Variants in PCDH15 observed in about 807,000 individuals in gnomAD.
The protein encoded by PCDH15 is protocadherin-15.
A neutral mutation model predicts 178.5 loss-of-function variants in PCDH15; 129 were observed. The ratio of observed to expected loss-of-function variants is 0.72; its 90% CI spans 0.63 to 0.84. The LOEUF is 0.84. PCDH15 is among the 40% of genes least tolerant of loss of function. PCDH15 has a pLI of 0.00. For missense variants in PCDH15, 2,230 were observed against 2,099.9 expected (o/e 1.06, Z -1.21); for synonymous variants, 800 against 732.0 (o/e 1.09, Z -1.50).
chr10:55,064,512 AG>A (rs1456678787), intron 2 of PCDH15, among the ~76,000 whole-genome samples: 1 of 152,132 alleles, frequency 6.6e-6, no homozygotes, highest in Non-Finnish European at 1.5e-5. Flanking sequence ...TTATATGCTG[AG>A]AAAAAAATTG....
intron 1 of PCDH15, among the ~76,000 whole-genome samples, chr10:55,303,929 T>G (rs1033816174): frequency 6.6e-5 from 10 of 152,176 alleles, no homozygotes; most frequent in Non-Finnish European, 1.5e-4. Context: ...TTCTGTTGCA[T>G]AGCATTAATT....
At chr10:55,209,384 C>A (rs371423638) in intron 1 of PCDH15, among the ~76,000 whole-genome samples, 1 of 152,204 alleles carries the variant, frequency 6.6e-6, no homozygotes, top group African/African-American at 2.4e-5. Context: ...ATCACTCTAA[C>A]ATATTTGTGA....
At chr10:54,377,971 T>G (rs1357580665) in intron 4 of PCDH15, among the ~76,000 whole-genome samples, 1 of 151,936 alleles carries the variant, frequency 6.6e-6, no homozygotes, top group Non-Finnish European at 1.5e-5. Context: ...CTGGCTGGAG[T>G]GCATTGGTGT....
chr10:54,085,671 T>C (rs1394469818), intron 16 of PCDH15, among the ~76,000 whole-genome samples: 1 of 152,190 alleles, frequency 6.6e-6, no homozygotes, highest in Non-Finnish European at 1.5e-5. Context: ...TTTGTGATTT[T>C]TAAAAAACCA....
chr10:53,926,631 T>G (rs1261387299), intron 25 of PCDH15, among the ~76,000 whole-genome samples: 1 of 152,186 alleles, frequency 6.6e-6, no homozygotes, highest in African/African-American at 2.4e-5. Context: ...AATTTTAAAT[T>G]TATACAACCA....
At chr10:55,616,020 C>T (rs1843465956) in intron 2 of PCDH15, among the ~76,000 whole-genome samples, 1 of 152,164 alleles carries the variant, frequency 6.6e-6, no homozygotes, top group Non-Finnish European at 1.5e-5. Flanking sequence ...AAGCTGGAGT[C>T]ACCACTGACA....
At chr10:53,942,929 T>G (rs774989310) in intron 23 of PCDH15, among the ~76,000 whole-genome samples, 1 of 152,328 alleles carries the variant, frequency 6.6e-6, no homozygotes. Flanking sequence ...CAATGGATTG[T>G]TAATTTATGA....
intron 2 of PCDH15, among the ~76,000 whole-genome samples, chr10:55,013,901 A>G (rs115871243): frequency 6.6e-6 from 1 of 152,128 alleles, no homozygotes; most frequent in South Asian, 2.1e-4. Context: ...CAAACTATTA[A>G]TTATATTCCT....
intron 2 of PCDH15, among the ~76,000 whole-genome samples, chr10:55,486,303 A>T (rs1195978556): frequency 1.3e-5 from 2 of 151,770 alleles, no homozygotes; most frequent in Admixed American, 6.6e-5. Context: ...GTTACTCAAT[A>T]GTGAAAAGAG....
At chr10:55,186,858 T>A (rs547600621) in intron 1 of PCDH15, among the ~76,000 whole-genome samples, 1 of 151,882 alleles carries the variant, frequency 6.6e-6, no homozygotes, top group African/African-American at 2.4e-5. Context: ...CAGTACTTAG[T>A]TGGTAAAATT....
intron 9 of PCDH15, among the ~76,000 whole-genome samples, chr10:54,228,283 C>T (rs7918079): frequency 0.055 from 8,316 of 152,112 alleles, 565 homozygotes; most frequent in African/African-American, 0.17. Context: ...GAGGAGCAAC[C>T]CACATCTTAC....
At chr10:54,490,382 A>G (rs1002970628) in intron 3 of PCDH15, among the ~76,000 whole-genome samples, 2 of 152,010 alleles carry the variant, frequency 1.3e-5, no homozygotes, top group South Asian at 2.1e-4. Flanking sequence ...CCCGGGAGGC[A>G]GAGCTTGCAG....
intron 3 of PCDH15, among the ~76,000 whole-genome samples, chr10:54,502,903 A>G (rs925139427): frequency 2.6e-5 from 4 of 152,020 alleles, no homozygotes; most frequent in Non-Finnish European, 5.9e-5. Flanking sequence ...TACTGTCTCT[A>G]TGTAAAAATT....
intron 2 of PCDH15, among the ~76,000 whole-genome samples, chr10:55,032,821 G>A (rs538311621): frequency 6.6e-6 from 1 of 152,224 alleles, no homozygotes; most frequent in Non-Finnish European, 1.5e-5. Context: ...GGCCTTGGTG[G>A]CAGAACAGTT....
intron 18 of PCDH15, among the ~76,000 whole-genome samples, chr10:54,026,333 G>C (rs912145438): frequency 2.6e-5 from 4 of 152,060 alleles, no homozygotes; most frequent in African/African-American, 9.7e-5. Flanking sequence ...GCTTCTCAAA[G>C]TGCTGAGATT....
In PCDH15 at chr10:53,810,060, G is replaced by T. The variant is rs1392831407; in HGVS notation, c.4671+496C>A. On this transcript the variant is annotated intron_variant, in intron 37 of 37. Transcript: ENST00000644397. ...TGTATAAATTTGCCAAGTAAATAGT[G>T]AAGACAAAGTATAAGAATTTTATAG... 2.0e-5 allele frequency among the ~76,000 whole-genome samples: 3 copies of T among 152,088 alleles called. No homozygotes were observed. In the East Asian group the frequency reaches 5.8e-4, roughly 29 times the overall value.
At chr10:53,904,768 A>T (rs970426299) in intron 25 of PCDH15, among the ~76,000 whole-genome samples, 4 of 152,218 alleles carry the variant, frequency 2.6e-5, no homozygotes, top group Non-Finnish European at 4.4e-5. Flanking sequence ...GTTCAGTAGC[A>T]GACCACTTTT....
chr10:54,003,435 T>G (rs1358704774), intron 20 of PCDH15, among the ~76,000 whole-genome samples: 3 of 151,882 alleles, frequency 2.0e-5, no homozygotes, highest in Non-Finnish European at 4.4e-5. Context: ...ACATTACAAC[T>G]AATACTGCAG....
chr10:54,993,057 A>C (rs767831084), intron 2 of PCDH15, among the ~76,000 whole-genome samples: 17 of 152,124 alleles, frequency 1.1e-4, no homozygotes, highest in Non-Finnish European at 1.8e-4. Context: ...TAGTATTGTA[A>C]AGGAAGAATT....
Sources: allele counts gnomAD v4.1 joint callset (sites outside exome capture counted in the v4.1 genomes callset), GRCh38; gene constraint gnomAD v4.1.1; transcripts MANE v1.5; gene names NCBI Gene and HGNC (gene_info 2026-07-23, HGNC 2026-07-21).